The following ZKSCAN5 variants were observed in gnomAD, a reference collection of about 807,000 sequenced individuals.
ZKSCAN5 encodes zinc finger with KRAB and SCAN domains 5.
ZKSCAN5 carries 28 observed loss-of-function variants against 60.0 expected under a neutral mutation model. The ratio of observed to expected loss-of-function variants is 0.47; its 90% CI spans 0.35 to 0.64. ZKSCAN5 has a LOEUF of 0.64. Among genes scored for constraint, ZKSCAN5 ranks in the 30% least tolerant of loss-of-function variants. ZKSCAN5 has a pLI of 0.01. For synonymous variants in ZKSCAN5, 361 were observed against 371.2 expected, an observed-to-expected ratio of 0.97 and a Z score of 0.31; for missense variants, 881 against 1,034.6, an observed-to-expected ratio of 0.85 and a Z score of 2.04.
chr7:99,519,598 G>A (rs758505495), intron 3 of ZKSCAN5, among the ~76,000 whole-genome samples: 14 of 152,034 alleles, frequency 9.2e-5, no homozygotes, highest in Non-Finnish European at 2.1e-4. Context: ...CCTTTATAGC[G>A]GAAAGGCAAG....
chr7:99,531,553 C>T lies in ZKSCAN5; in HGVS notation c.1824C>T (p.Pro608=). 1.2e-6 allele frequency: 2 copies of T among 1,614,178 alleles called. No individual in the cohort carries two copies. Among genetic ancestry groups the T allele is most frequent in the Non-Finnish European group, 1.7e-6 (2 of 1,180,040 alleles). The change falls in exon 7 of 7, where the codon CCC becomes CCT. Residue 608 remains proline (P), a synonymous_variant. Coordinates refer to ENST00000326775, the MANE Select transcript of ZKSCAN5 (RefSeq NM_145102.4). ...CAGGTGAGAAGCCCTACACCTGTCCCTTATGTGGGAAAGCCTTCAGAGTGA... is the reference window on the plus strand; with the variant it reads ...CAGGTGAGAAGCCCTACACCTGTCCTTTATGTGGGAAAGCCTTCAGAGTGA... ...VHTGEKPYTC[P]LCGKAFRVRS...
intron 2 of ZKSCAN5, among the ~76,000 whole-genome samples, chr7:99,507,727 C>G (rs577163613): frequency 6.6e-6 from 1 of 151,208 alleles, no homozygotes; most frequent in African/African-American, 2.4e-5. Flanking sequence ...TAGCGAGACC[C>G]CATCTCTACC....
intron 6 of ZKSCAN5, among the ~76,000 whole-genome samples, chr7:99,526,981 CTT>C (rs1041947284): frequency 4.6e-5 from 7 of 152,252 alleles, no homozygotes; most frequent in African/African-American, 1.4e-4. Flanking sequence ...ATTTGGCTCT[CTT>C]ATATGCTTTT....
At chr7:99,528,306 G>C (rs541030596) in intron 6 of ZKSCAN5, among the ~76,000 whole-genome samples, 1 of 151,902 alleles carries the variant, frequency 6.6e-6, no homozygotes, top group Non-Finnish European at 1.5e-5. Flanking sequence ...TAGCGCTTTG[G>C]ACTTGAAAAA....
At chr7:99,516,523 C>T (rs1473595199) in intron 3 of ZKSCAN5, among the ~76,000 whole-genome samples, 1 of 152,114 alleles carries the variant, frequency 6.6e-6, no homozygotes, top group Non-Finnish European at 1.5e-5. Context: ...ATCTCCAGGA[C>T]TCCAGATCTA....
Position 99,523,358 on chromosome 7 carries a change from A to C in ZKSCAN5, c.773-2455A>C, listed in dbSNP as rs112780847. ...GGCTGCCTGCTGAACGCAGGAACTCATGCCTGTAATCTCAGCACTTTGGGA... is the reference window on the plus strand; with the variant it reads ...GGCTGCCTGCTGAACGCAGGAACTCCTGCCTGTAATCTCAGCACTTTGGGA... On this transcript the variant is annotated intron_variant, in intron 5 of 6. Transcript: ENST00000326775. Among the ~76,000 whole-genome samples, 1,116 of 151,912 alleles carry C rather than the reference A, an allele frequency of 7.3e-3. 18 individuals are homozygous for C. Among genetic ancestry groups the C allele is most frequent in the African/African-American group, 0.026 (1,065 of 41,424 alleles).
Position 99,525,874 on chromosome 7 carries a change from A to T in ZKSCAN5, c.834A>T (p.Ser278=). 1 of 1,614,026 alleles carries T rather than the reference A, an allele frequency of 6.2e-7. No individual in the cohort carries two copies. The highest frequency in any genetic ancestry group is 8.5e-7 in the Non-Finnish European group (1 of 1,180,018). The part of the protein sequence containing the change: ...IVKQISDDSE[S]HWVAPEHTER... ...AGCAGATTTCTGATGACTCTGAATC[A>T]CACTGGGTGGCGCCAGAACACACCG... Residue 278 remains serine (S), a synonymous_variant, in exon 6 of 7, where the codon TCA becomes TCT. Coordinates refer to ENST00000326775, the MANE Select transcript of ZKSCAN5 (RefSeq NM_145102.4).
intron 5 of ZKSCAN5, among the ~76,000 whole-genome samples, chr7:99,524,100 T>C (rs911630343): frequency 1.3e-5 from 2 of 149,018 alleles, no homozygotes; most frequent in Admixed American, 6.8e-5. Flanking sequence ...GGACAGAGTC[T>C]CGCTCTGTCA....
At position 99,504,743 on chromosome 7, in the gene ZKSCAN5, T is replaced by G. The variant is rs938094512; in HGVS notation, c.-41+10T>G. ...CTGCGGTGGTCAAGAGGTGGGTTTG[T>G]TTGGAAAGTGGGTGGTGAGAGTAGC... On this transcript the variant is annotated intron_variant, in intron 1 of 6. Transcript: ENST00000326775. 1 of 152,186 alleles carries G rather than the reference T, an allele frequency of 6.6e-6. No individual in the cohort carries two copies. The highest frequency in any genetic ancestry group is 1.5e-5 in the Non-Finnish European group (1 of 68,096). 9.4% of individuals were successfully genotyped at this position (152,186 alleles called of 1,614,324 possible).
intron 2 of ZKSCAN5, among the ~76,000 whole-genome samples, chr7:99,508,815 CTT>C (rs1411652129): frequency 1.7e-4 from 22 of 126,678 alleles, no homozygotes; most frequent in Non-Finnish European, 3.0e-4. Flanking sequence ...TTCTTTCTTT[CTT>C]TTTTTTTTTT....
chr7:99,512,101 C>T (rs1584172146), intron 2 of ZKSCAN5, among the ~76,000 whole-genome samples: 2 of 152,264 alleles, frequency 1.3e-5, no homozygotes, highest in African/African-American at 4.8e-5. Context: ...CAGCCCTTCT[C>T]AACCTTTAAG....
At chr7:99,521,189 A>G (rs1281261251) in intron 5 of ZKSCAN5, among the ~76,000 whole-genome samples, 1 of 152,048 alleles carries the variant, frequency 6.6e-6, no homozygotes, top group African/African-American at 2.4e-5. Flanking sequence ...GCTACAAAAT[A>G]TATTTATTTT....
chr7:99,516,894 C>T (rs552018327), intron 3 of ZKSCAN5, among the ~76,000 whole-genome samples: 13 of 152,272 alleles, frequency 8.5e-5, no homozygotes, highest in Middle Eastern at 6.8e-3. Context: ...GCACTCTTCA[C>T]GCTGTGCTGT....
chr7:99,507,527 A>ATATATGTATATATATGTATATATATG (rs1054345146), intron 2 of ZKSCAN5, among the ~76,000 whole-genome samples: 2 of 131,770 alleles, frequency 1.5e-5, no homozygotes, highest in Non-Finnish European at 3.1e-5. Flanking sequence ...ATATATGTAT[A>ATATATGTATATATATGTATATATATG]TGTGTATATA....
Position 99,531,838 on chromosome 7 carries a change from A to G in ZKSCAN5, c.2109A>G (p.Thr703=), listed in dbSNP as rs765849269. The G allele has an allele frequency of 6.2e-7, 1 of 1,614,240 alleles. No homozygotes were observed. The highest frequency in any genetic ancestry group is 1.1e-5 in the South Asian group (1 of 91,090). Residue 703 remains threonine (T), a synonymous_variant, in exon 7 of 7, where the codon ACA becomes ACG. Transcript: ENST00000326775. ...AGGAAGCATATAGTTGGAACTTGAC[A>G]GTGATTGAAGACAAGAAGATTGAGT... ...ICEEAYSWNL[T]VIEDKKIELQ...
chr7:99,508,066 G>A lies in ZKSCAN5; in HGVS notation c.414+1608G>A, dbSNP rs187996499. Among the ~76,000 whole-genome samples the A allele has an allele frequency of 5.9e-5, 9 of 152,202 alleles. No homozygotes were observed. In the East Asian group the frequency reaches 1.5e-3, roughly 26 times the overall value. On this transcript the variant is annotated intron_variant, in intron 2 of 6. Coordinates refer to ENST00000326775, the MANE Select transcript of ZKSCAN5 (RefSeq NM_145102.4). ...TGTAATCCCAGCACTTGGGGAGGCC[G>A]AGGTGGGCAGTTCATGAGGTCAGAA... is the stretch of plus-strand genomic sequence containing the variant.
In ZKSCAN5 at chr7:99,520,324, C is replaced by A; in HGVS notation, c.772+20C>A. 1 of 1,603,658 alleles carries A rather than the reference C, an allele frequency of 6.2e-7. No homozygotes were observed. Among genetic ancestry groups the A allele is most frequent in the Non-Finnish European group, 8.5e-7 (1 of 1,176,442 alleles). On this transcript the variant is annotated intron_variant, in intron 5 of 6. Coordinates refer to ENST00000326775, the MANE Select transcript of ZKSCAN5 (RefSeq NM_145102.4). ...CCATGGGTAAGGATTATTTCATCTG[C>A]ATGGATTAGGACATGTTTATTTTGT...
At chr7:99,518,033 G>C (rs1801343000) in intron 3 of ZKSCAN5, among the ~76,000 whole-genome samples, 1 of 152,142 alleles carries the variant, frequency 6.6e-6, no homozygotes, top group Non-Finnish European at 1.5e-5. Context: ...TGACTGAATA[G>C]AAACTAACCA....
chr7:99,516,678 C>T (rs1447754223), intron 3 of ZKSCAN5, among the ~76,000 whole-genome samples: 1 of 152,046 alleles, frequency 6.6e-6, no homozygotes, highest in Admixed American at 6.6e-5. Context: ...GTCAGGTGGT[C>T]CCTAGCTTCC....
Sources: allele counts gnomAD v4.1 joint callset (sites outside exome capture counted in the v4.1 genomes callset), GRCh38; gene constraint gnomAD v4.1.1; transcripts MANE v1.5; gene names NCBI Gene and HGNC (gene_info 2026-07-23, HGNC 2026-07-21).